Variants in PFKL observed in about 807,000 individuals in gnomAD.
The protein encoded by PFKL is phosphofructokinase, liver type.
A neutral mutation model predicts 92.1 loss-of-function variants in PFKL; 74 were observed. That is an observed-to-expected ratio of 0.80 (90% CI 0.67 to 0.97). PFKL has a LOEUF of 0.97. Ranked by LOEUF, PFKL falls within the 50% of genes least tolerant of loss-of-function variation. PFKL has a pLI of 0.00. For synonymous variants in PFKL, 494 were observed against 456.4 expected, an observed-to-expected ratio of 1.08 and a Z score of -1.05; for missense variants, 1,028 against 1,116.6, an observed-to-expected ratio of 0.92 and a Z score of 1.13.
At chr21:44,306,575 GACA>G in intron 1 of PFKL, 103 bp from the exon 2 acceptor site, 1 of 937,650 alleles carries the variant, frequency 1.1e-6, no homozygotes, top group East Asian at 2.7e-5. Flanking sequence ...CTCTGAGATG[GACA>G]GGGTGTCCAG....
At chr21:44,315,130 G>C (rs1490374085) in intron 7 of PFKL, 2 of 152,398 alleles carry the variant, frequency 1.3e-5, no homozygotes, top group African/African-American at 4.8e-5. Flanking sequence ...GGCCCAAGGT[G>C]CGGGTCCTAT....
Position 44,325,941 on chromosome 21 carries a change from C to T in PFKL, c.1990-20C>T, listed in dbSNP as rs370017152. 1.4e-5 allele frequency: 23 copies of T among 1,597,972 alleles called. No individual in the cohort carries two copies. The highest frequency in any genetic ancestry group is 5.6e-5 in the South Asian group (5 of 89,666). On this transcript the variant is annotated intron_variant, in intron 19 of 21. Coordinates refer to ENST00000349048, the MANE Select transcript of PFKL (RefSeq NM_002626.6). ...GGCAGCCCAGGGGAGTCCAGGGAACCGGGCCTCACCTGTTTCCAGGGTGGC... is the reference window on the plus strand; with the variant it reads ...GGCAGCCCAGGGGAGTCCAGGGAACTGGGCCTCACCTGTTTCCAGGGTGGC...
At position 44,325,969 on chromosome 21, in the gene PFKL, T is replaced by A. The variant is rs762967851; in HGVS notation, c.1998T>A (p.Ala666=). The change falls in exon 20 of 22, where the codon GCT becomes GCA. Residue 666 remains alanine, a synonymous_variant. Coordinates refer to ENST00000349048, the MANE Select transcript of PFKL (RefSeq NM_002626.6). ...GCCTCACCTGTTTCCAGGGTGGCGC[T>A]CCAACCCCCTTTGACCGGAACTATG... ...NVLGHLQQGG[A]PTPFDRNYGT... The A allele has an allele frequency of 8.7e-6, 14 of 1,613,186 alleles. No individual in the cohort carries two copies. Among genetic ancestry groups the A allele is most frequent in the Admixed American group, 5.0e-5 (3 of 59,964 alleles).
At chr21:44,300,832 C>A (rs564895561) in intron 1 of PFKL, among the ~76,000 whole-genome samples, 18 of 152,212 alleles carry the variant, frequency 1.2e-4, no homozygotes, top group Admixed American at 2.6e-4. Context: ...GGTGGGGGTC[C>A]GGCCTGAGGG....
intron 1 of PFKL, among the ~76,000 whole-genome samples, chr21:44,300,689 T>A (rs1213417778): frequency 6.6e-6 from 1 of 152,076 alleles, no homozygotes; most frequent in Non-Finnish European, 1.5e-5. Flanking sequence ...CCGCCTTCCT[T>A]GTGGGTCTAG....
At chr21:44,312,827 C>G in intron 4 of PFKL, 151 bp from the exon 5 acceptor site, 1 of 744,278 alleles carries the variant, frequency 1.3e-6, no homozygotes, top group Middle Eastern at 3.1e-4. Flanking sequence ...CCACAGGGTT[C>G]CAGGCAGGAG....
At chr21:44,316,029 T>G in intron 7 of PFKL, 1 of 579,728 alleles carries the variant, frequency 1.7e-6, no homozygotes, top group Non-Finnish European at 3.1e-6. Flanking sequence ...AGCCCTCTTG[T>G]TCACCGCCTC....
In PFKL at chr21:44,326,031, C is replaced by T. The variant is rs756346688; in HGVS notation, c.2060C>T (p.Ser687Leu). The T allele has an allele frequency of 1.2e-5, 20 of 1,613,716 alleles. No individual in the cohort carries two copies. The highest frequency in any genetic ancestry group is 2.7e-5 in the African/African-American group (2 of 74,944). Residue 687 changes from serine to leucine, a missense_variant, in exon 20 of 22, where the codon TCG becomes TTG. Ser to Leu is a moderately radical substitution (Grantham distance 145, BLOSUM62 -2). Transcript: ENST00000349048. ...GGGGTGAAGGCCATGCTGTGGTTGT[C>T]GGAGAAGCTGCGCGAGGTTTACCGC... Reference protein sequence around the residue: ...KLGVKAMLWLSEKLREVYRKG... With the variant: ...KLGVKAMLWLLEKLREVYRKG...
chr21:44,310,065 A>G (rs1188450056), intron 2 of PFKL, among the ~76,000 whole-genome samples: 1 of 152,174 alleles, frequency 6.6e-6, no homozygotes, highest in African/African-American at 2.4e-5. Context: ...TGGCCGAGGA[A>G]TGGCTGCTCC....
In PFKL at chr21:44,311,063, G is replaced by T; in HGVS notation, c.217G>T (p.Val73Phe). 6.2e-7 allele frequency: 1 copy of T among 1,612,898 alleles called. No homozygotes were observed. Among genetic ancestry groups the T allele is most frequent in the Non-Finnish European group, 8.5e-7 (1 of 1,179,506 alleles). Residue 73 changes from valine (V) to phenylalanine (F), a missense_variant, in exon 3 of 22, where the codon GTC (valine) becomes TTC (phenylalanine). Val to Phe is a conservative substitution (Grantham distance 50). Coordinates refer to ENST00000349048, the MANE Select transcript of PFKL (RefSeq NM_002626.6). ...CATCAAGCAGGCCAACTGGCTGAGC[G>T]TCTCCAACATCATCCAGCTGGTGAG... is the stretch of plus-strand genomic sequence containing the variant. ...ENIKQANWLS[V>F]SNIIQLGGTI...
intron 19 of PFKL, 200 bp downstream of exon 19, chr21:44,325,464 T>C: frequency 1.7e-6 from 1 of 586,712 alleles, no homozygotes; most frequent in Non-Finnish European, 3.1e-6. Context: ...GGGCTGGGGC[T>C]GGAGCCGGGG....
At chr21:44,325,322 C>T in intron 19 of PFKL, 58 bp downstream of exon 19, 1 of 1,233,212 alleles carries the variant, frequency 8.1e-7, no homozygotes, top group African/African-American at 1.5e-5. Flanking sequence ...CACCATCTGT[C>T]CCCGGCCCCA....
At chr21:44,322,323 C>A in intron 14 of PFKL, 120 bp downstream of exon 14, 1 of 908,058 alleles carries the variant, frequency 1.1e-6, no homozygotes, top group Non-Finnish European at 1.7e-6. Flanking sequence ...CCTCTTCCTG[C>A]TGGTGGTCTG....
intron 1 of PFKL, chr21:44,305,746 CATT>C: frequency 1.5e-6 from 2 of 1,355,152 alleles, no homozygotes; most frequent in Non-Finnish European, 2.0e-6. Context: ...GTGTGGGGTA[CATT>C]AGCACCAGCG....
intron 2 of PFKL, among the ~76,000 whole-genome samples, chr21:44,307,663 CTG>C (rs2040992106): frequency 1.3e-5 from 2 of 152,186 alleles, no homozygotes; most frequent in Non-Finnish European, 2.9e-5. Flanking sequence ...CTCTGCAGGA[CTG>C]TGTGAATGAA....
chr21:44,322,331 C>T lies in PFKL; in HGVS notation c.1409+128C>T, dbSNP rs1407492600. The T allele has an allele frequency of 1.9e-5, 16 of 839,502 alleles. No homozygotes were observed. The East Asian group carries it at 4.3e-4, about 22-fold the overall frequency. 52.0% of individuals were successfully genotyped at this position (839,502 alleles called of 1,614,324 possible). On this transcript the variant is annotated intron_variant, in intron 14 of 21. Transcript: ENST00000349048. The stretch of plus-strand genomic sequence containing the variant: ...CTCGGCCCCTCTTCCTGCTGGTGGT[C>T]TGCCCAGAGCAGGCTTCACGCCTCC...
chr21:44,322,909 G>A, intron 14 of PFKL, 53 bp from the exon 15 acceptor site: 2 of 1,341,186 alleles, frequency 1.5e-6, no homozygotes, highest in Non-Finnish European at 2.1e-6. Context: ...GATGCAATCT[G>A]GACACGCGTC....
chr21:44,319,197 G>A (rs111540890), intron 10 of PFKL, among the ~76,000 whole-genome samples, 154 bp from the exon 11 acceptor site: 35 of 152,306 alleles, frequency 2.3e-4, no homozygotes, highest in African/African-American at 7.7e-4. Flanking sequence ...GGCCTTGGTG[G>A]TGACCGCTGT....
chr21:44,309,233 G>C (rs571858748), intron 2 of PFKL, among the ~76,000 whole-genome samples: 2 of 152,242 alleles, frequency 1.3e-5, no homozygotes, highest in South Asian at 4.1e-4. Context: ...TATTGTTAGG[G>C]CAGAAAGGGA....
Sources: gnomAD v4.1 joint callset for allele counts (sites outside exome capture counted in the v4.1 genomes callset) on GRCh38, gnomAD v4.1.1 for gene constraint, MANE v1.5 for transcripts, NCBI Gene and HGNC (gene_info 2026-07-23, HGNC 2026-07-21) for gene names.